Variants in NDST4 observed in about 807,000 individuals in gnomAD.
NDST4 encodes N-heparan sulfate sulfotransferase 4.
A neutral mutation model predicts 100.8 loss-of-function variants in NDST4; 63 were observed. That is an observed-to-expected ratio of 0.62 (90% confidence interval 0.51 to 0.77). The LOEUF is 0.77. Ranked by LOEUF, NDST4 falls within the 30% of genes least tolerant of loss-of-function variation. NDST4 has a pLI of 0.00. For missense variants in NDST4, 943 were observed against 1,018.4 expected, an observed-to-expected ratio of 0.93 and a Z score of 1.01; for synonymous variants, 377 against 361.8, an observed-to-expected ratio of 1.04 and a Z score of -0.48.
At chr4:115,040,108 G>A (rs1405547011) in intron 2 of NDST4, among the ~76,000 whole-genome samples, 1 of 151,316 alleles carries the variant, frequency 6.6e-6, no homozygotes, top group South Asian at 2.1e-4. Flanking sequence ...ATAAAACGGA[G>A]GACATAGATA....
At chr4:115,068,248 C>T (rs889026948) in intron 2 of NDST4, among the ~76,000 whole-genome samples, 2 of 151,874 alleles carry the variant, frequency 1.3e-5, no homozygotes, top group East Asian at 3.9e-4. Flanking sequence ...TCATAAAATA[C>T]ATAGTAAAAT....
At chr4:114,834,535 A>G (rs1024852778) in intron 11 of NDST4, among the ~76,000 whole-genome samples, 1 of 146,708 alleles carries the variant, frequency 6.8e-6, no homozygotes, top group Admixed American at 6.8e-5. Context: ...AAAAAAAAAA[A>G]GGAATACTGG....
At position 114,929,101 on chromosome 4, in the gene NDST4, C is replaced by CCATCT. The variant is rs1560817052; in HGVS notation, c.1536+6104_1536+6105insAGATG. On this transcript the variant is annotated intron_variant, in intron 6 of 13. Coordinates refer to ENST00000264363, the MANE Select transcript of NDST4 (RefSeq NM_022569.3). ...CCATCCATCCATCCATCCATCCATCCATCCATCCATCCATCTATCTATCTA... is the reference window on the plus strand; with the variant it reads ...CCATCCATCCATCCATCCATCCATCCCATCTATCCATCCATCCATCTATCTATCTA... 1.1e-3 allele frequency among the ~76,000 whole-genome samples: 147 copies of CCATCT among 129,720 alleles called. 1 individual carries two copies. The highest frequency in any genetic ancestry group is 3.9e-3 in the Middle Eastern group (1 of 256). The allele number at this position is 129,720 out of a possible 152,430, so 85.1% of individuals were successfully genotyped here.
intron 1 of NDST4, among the ~76,000 whole-genome samples, chr4:115,092,955 A>G (rs867993201): frequency 1.3e-5 from 2 of 152,206 alleles, no homozygotes; most frequent in Non-Finnish European, 2.9e-5. Context: ...TTTACAATGG[A>G]TATAAAATAA....
At chr4:115,028,912 A>T (rs904104304) in intron 2 of NDST4, among the ~76,000 whole-genome samples, 1 of 152,156 alleles carries the variant, frequency 6.6e-6, no homozygotes, top group African/African-American at 2.4e-5. Flanking sequence ...GATGGCAGGG[A>T]GTAGAAAAAC....
At chr4:115,026,551 A>G (rs1490540968) in intron 2 of NDST4, among the ~76,000 whole-genome samples, 1 of 152,170 alleles carries the variant, frequency 6.6e-6, no homozygotes, top group Non-Finnish European at 1.5e-5. Flanking sequence ...CAGTTAAAGA[A>G]AAAAGCAATA....
At chr4:115,040,839 T>C (rs1357622855) in intron 2 of NDST4, among the ~76,000 whole-genome samples, 1 of 151,988 alleles carries the variant, frequency 6.6e-6, no homozygotes, top group Non-Finnish European at 1.5e-5. Context: ...GCAATAGGTT[T>C]ATCTATATGT....
At chr4:114,986,826 A>ATT (rs1438396923) in intron 2 of NDST4, among the ~76,000 whole-genome samples, 34 of 117,320 alleles carry the variant, frequency 2.9e-4, no homozygotes, top group African/African-American at 9.6e-4. Context: ...ATATATATAT[A>ATT]TATATATTTT....
intron 1 of NDST4, among the ~76,000 whole-genome samples, chr4:115,088,320 A>ATTT (rs370454710): frequency 2.7e-5 from 4 of 148,572 alleles, no homozygotes; most frequent in East Asian, 2.0e-4. Flanking sequence ...TCTAAAGTTA[A>ATTT]TTTTTTTTTT....
chr4:115,045,778 G>C (rs1728452501), intron 2 of NDST4, among the ~76,000 whole-genome samples: 1 of 152,132 alleles, frequency 6.6e-6, no homozygotes, highest in South Asian at 2.1e-4. Flanking sequence ...ATAATAGCAA[G>C]TGAGGATGTG....
At chr4:114,827,957 C>A in intron 13 of NDST4, 22 bp from the exon 14 acceptor site, 1 of 1,576,502 alleles carries the variant, frequency 6.3e-7, no homozygotes. Flanking sequence ...AAAAGAAGAA[C>A]TTGAAAGAAG....
intron 2 of NDST4, among the ~76,000 whole-genome samples, chr4:115,048,234 G>C (rs1050449673): frequency 3.3e-5 from 5 of 151,942 alleles, no homozygotes; most frequent in African/African-American, 1.2e-4. Flanking sequence ...TTTTGAACCA[G>C]TTAAAAGAAC....
intron 2 of NDST4, among the ~76,000 whole-genome samples, chr4:115,071,482 A>G (rs2126287821): frequency 6.6e-6 from 1 of 152,250 alleles, no homozygotes; most frequent in Middle Eastern, 3.4e-3. Flanking sequence ...AATTTGTTTT[A>G]TTGAGGAACA....
chr4:114,845,770 C>G, intron 10 of NDST4, 53 bp downstream of exon 10: 4 of 1,484,714 alleles, frequency 2.7e-6, no homozygotes, highest in Non-Finnish European at 2.8e-6. Flanking sequence ...TTTTCATTGC[C>G]TCCATTTAAG....
chr4:115,005,221 A>G (rs1727386898), intron 2 of NDST4, among the ~76,000 whole-genome samples: 1 of 152,136 alleles, frequency 6.6e-6, no homozygotes, highest in African/African-American at 2.4e-5. Context: ...ATACACACAA[A>G]TGGCCCCTCT....
At chr4:114,844,126 C>G (rs1242006955) in intron 10 of NDST4, among the ~76,000 whole-genome samples, 2 of 152,160 alleles carry the variant, frequency 1.3e-5, no homozygotes, top group Non-Finnish European at 2.9e-5. Context: ...CTAAATATCT[C>G]TGAATACTTA....
chr4:114,905,915 T>C (rs747667715), intron 6 of NDST4, among the ~76,000 whole-genome samples: 10 of 152,016 alleles, frequency 6.6e-5, no homozygotes, highest in Non-Finnish European at 1.0e-4. Context: ...GCCCTCTCTT[T>C]GACACATGTT....
intron 6 of NDST4, among the ~76,000 whole-genome samples, chr4:114,929,232 T>C (rs145279527): frequency 2.0e-4 from 31 of 152,122 alleles, no homozygotes; most frequent in Middle Eastern, 3.4e-3. Flanking sequence ...CTTCCGCCTA[T>C]GCAAGCCGGG....
rs531524646 is a variant in NDST4 at position 114,906,511 on chromosome 4, C to T, written c.1536+28695G>A. 2.6e-5 allele frequency among the ~76,000 whole-genome samples: 4 copies of T among 151,998 alleles called. No homozygotes were observed. In the East Asian group the frequency reaches 7.7e-4, roughly 29 times the overall value. ...AACATAAAGTTTTGGTTAACCCATT[C>T]TGTCTCTCTAGTTCAGTTAATTTCG... On this transcript the variant is annotated intron_variant, in intron 6 of 13. Coordinates refer to ENST00000264363, the MANE Select transcript of NDST4 (RefSeq NM_022569.3).
Sources: gnomAD v4.1 joint callset for allele counts (sites outside exome capture counted in the v4.1 genomes callset) on GRCh38, gnomAD v4.1.1 for gene constraint, MANE v1.5 for transcripts, NCBI Gene and HGNC (gene_info 2026-07-23, HGNC 2026-07-21) for gene names.